Variants in ADAM8 observed in about 807,000 individuals in gnomAD.
The protein encoded by ADAM8 is ADAM metallopeptidase domain 8, also known as disintegrin and metalloproteinase domain-containing protein 8.
Under a neutral mutation model 102.4 loss-of-function variants are expected in ADAM8, and 104 were observed. The ratio of observed to expected loss-of-function variants is 1.02; its 90% CI spans 0.87 to 1.20. The LOEUF (loss-of-function observed/expected upper bound fraction) is 1.20. Ranked by LOEUF, ADAM8 falls within the 50% of genes most tolerant of loss-of-function variation. The pLI is 0.00. For synonymous variants in ADAM8, 517 were observed against 485.2 expected (o/e 1.07, Z -0.86); for missense variants, 1,132 against 1,159.0 (o/e 0.98, Z 0.34).
At position 133,268,004 on chromosome 10, in the gene ADAM8, C is replaced by A; in HGVS notation, c.2178G>T (p.Leu726=). 7.9e-7 allele frequency: 1 copy of A among 1,260,666 alleles called. No homozygotes were observed. The highest frequency in any genetic ancestry group is 3.1e-5 in the East Asian group (1 of 32,318). The allele number at this position is 1,260,666 out of a possible 1,614,324, so 78.1% of individuals were successfully genotyped here. ...GCTGGCCCGGGTGGGTGGTGGGGAC[C>A]AGCTCTTGGGGGCCCCTGGATGGGG... ...APAPSRGPQE[L]VPTTHPGQPA... Residue 726 remains leucine (L), a synonymous_variant, in exon 20 of 23, where the codon CTG becomes CTT. Coordinates refer to ENST00000445355, the MANE Select transcript of ADAM8 (RefSeq NM_001109.5).
chr10:133,276,822 G>T lies in ADAM8; in HGVS notation c.-5C>A. The stretch of plus-strand genomic sequence containing the variant: ...CCAGAGCCCGAGGCCGCGCATGGCC[G>T]GGTCGGGGAGCAGAGGCGGAGGTGA... On this transcript the variant is annotated 5_prime_UTR_variant, in exon 1 of 23. Coordinates refer to ENST00000445355, the MANE Select transcript of ADAM8 (RefSeq NM_001109.5). The T allele has an allele frequency of 6.6e-7, 1 of 1,525,520 alleles. No individual in the cohort carries two copies. Among genetic ancestry groups the T allele is most frequent in the Non-Finnish European group, 8.8e-7 (1 of 1,139,762 alleles). 94.5% of individuals were successfully genotyped at this position (1,525,520 alleles called of 1,614,324 possible).
In ADAM8 at chr10:133,269,885, G is replaced by A. The variant is rs200148705; in HGVS notation, c.1863+12C>T. On this transcript the variant is annotated intron_variant, in intron 17 of 22. Coordinates refer to ENST00000445355, the MANE Select transcript of ADAM8 (RefSeq NM_001109.5). ...TCTGTGCAGGGGCCCTGTCCCGAGA[G>A]GCCACACATACCCCATGGTTGTGGC... 8 of 1,612,334 alleles carry A rather than the reference G, an allele frequency of 5.0e-6. No homozygotes were observed. The highest frequency in any genetic ancestry group is 1.1e-5 in the South Asian group (1 of 91,084).
Position 133,270,444 on chromosome 10 carries a change from G to T in ADAM8, c.1701C>A (p.Ile567=), listed in dbSNP as rs368815806. The T allele has an allele frequency of 4.4e-6, 7 of 1,606,074 alleles. No individual in the cohort carries two copies. The African/African-American group carries it at 9.4e-5, about 21-fold the overall frequency. The part of the protein sequence containing the change: ...GQQPLGRAIC[I]VDVCHALTTE... The stretch of plus-strand genomic sequence containing the variant: ...TGGTGAGCGCGTGGCACACATCCAC[G>T]ATGCAGATGGCACGCCCCAGGGGCT... Residue 567 remains isoleucine, a synonymous_variant, in exon 16 of 23, where the codon ATC becomes ATA. Transcript: ENST00000445355.
At chr10:133,263,847 A>G in intron 21 of ADAM8, 82 bp from the exon 22 acceptor site, 1 of 1,212,568 alleles carries the variant, frequency 8.2e-7, no homozygotes, top group Non-Finnish European at 1.1e-6. Context: ...CTGGACCTGG[A>G]ACGAAGCTCC....
intron 8 of ADAM8, 52 bp from the exon 9 acceptor site, chr10:133,272,637 C>T (rs1445388451): frequency 1.3e-6 from 2 of 1,567,950 alleles, no homozygotes; most frequent in Non-Finnish European, 1.7e-6. Context: ...GAAGGTACAG[C>T]AGGGAGGGTG....
rs578160358 is a variant in ADAM8, at chr10:133,265,856, C to T, written c.2319+1496G>A. On this transcript the variant is annotated intron_variant, in intron 21 of 22. Transcript: ENST00000445355. ...AAACAGCACAGAACAACTATTGCAG[C>T]CAATATTCACCAATGGATGCCAAAA... Among the ~76,000 whole-genome samples, 29 of 152,160 alleles carry T rather than the reference C, an allele frequency of 1.9e-4. 1 individual carries two copies. The East Asian group carries it at 5.6e-3, about 29-fold the overall frequency.
chr10:133,270,598 A>G, intron 15 of ADAM8, 88 bp from the exon 16 acceptor site: 2 of 1,545,372 alleles, frequency 1.3e-6, no homozygotes, highest in Admixed American at 1.8e-5. Context: ...CCCTCCCACA[A>G]CACGGTGCGC....
In ADAM8 at chr10:133,275,851, ACTCC is replaced by A. The variant is rs1846731824; in HGVS notation, c.47-268_47-265del. The stretch of plus-strand genomic sequence containing the variant: ...CTGTGGGTGCCAGCGGGTGCCAGTG[ACTCC>A]ACAGGTCTCCAGGCTGTCTCAGATC... On this transcript the variant is annotated intron_variant, in intron 1 of 22. Coordinates refer to ENST00000445355, the MANE Select transcript of ADAM8 (RefSeq NM_001109.5). The A allele has an allele frequency of 9.6e-6, 4 of 418,182 alleles. No individual in the cohort carries two copies. The South Asian group carries it at 2.0e-4, about 21-fold the overall frequency. 25.9% of individuals were successfully genotyped at this position (418,182 alleles called of 1,614,324 possible). A position where few individuals can be genotyped will look rare whatever the true frequency, so the allele number is the denominator to read the frequency against.
rs756049712 is a variant in ADAM8, at chr10:133,272,920, G to A, written c.636+37C>T. On this transcript the variant is annotated intron_variant, in intron 7 of 22. Transcript: ENST00000445355. ...CCCACACACCCCCCATGCCCCCGCC[G>A]CCGGCTGCTCTCCCACCTTCCCTGC... The A allele has an allele frequency of 9.3e-6, 15 of 1,611,572 alleles. 1 individual carries two copies. Among genetic ancestry groups the A allele is most frequent in the South Asian group, 6.6e-5 (6 of 91,036 alleles).
At chr10:133,275,376 C>A in intron 2 of ADAM8, 108 bp downstream of exon 2, 2 of 820,890 alleles carry the variant, frequency 2.4e-6, no homozygotes, top group East Asian at 2.9e-5. Context: ...TACAGGGCAG[C>A]CCCAGACACC....
At chr10:133,272,907 C>T (rs770222047) in intron 7 of ADAM8, 41 bp from the exon 8 acceptor site, 2 of 1,611,394 alleles carry the variant, frequency 1.2e-6, no homozygotes, top group East Asian at 4.5e-5. Context: ...CACACACCCC[C>T]CATGCCCCCG....
chr10:133,268,796 AG>A lies in ADAM8; in HGVS notation c.2014del (p.Leu672TrpfsTer15). Reference sequence around the variant, plus strand: ...TTTGCGGTAGACGATGATGCCTGCCAGGGTGACCAGCACAACTGCCAGGAGC... The same window carrying A: ...TTTGCGGTAGACGATGATGCCTGCCAGGTGACCAGCACAACTGCCAGGAGC... ...LVLLAVVLVTLAGIIVYRKAR... is the reference protein window; with the variant it reads ...LVLLAVVLVTXAGIIVYRKAR... On this transcript the variant is annotated frameshift_variant, in exon 19 of 23. Transcript: ENST00000445355. LOFTEE classifies it high-confidence loss of function. The A allele has an allele frequency of 6.2e-7, 1 of 1,610,840 alleles. No homozygotes were observed. The highest frequency in any genetic ancestry group is 8.5e-7 in the Non-Finnish European group (1 of 1,179,894).
rs753419976 is a variant in ADAM8, at chr10:133,269,541, G to A, written c.1864-12C>T. ...TTGTGGTTGCACACCTGCGGGGACG[G>A]CTGGGCTCAGGGCCAACCCTGTTGT... On this transcript the variant is annotated splice_polypyrimidine_tract_variant and intron_variant, in intron 17 of 22. Coordinates refer to ENST00000445355, the MANE Select transcript of ADAM8 (RefSeq NM_001109.5). The A allele has an allele frequency of 8.2e-6, 13 of 1,585,784 alleles. No individual in the cohort carries two copies. Among genetic ancestry groups the A allele is most frequent in the Non-Finnish European group, 1.1e-5 (13 of 1,172,172 alleles).
Position 133,275,469 on chromosome 10 carries a change from C to T in ADAM8, c.150+15G>A. The T allele has an allele frequency of 1.3e-6, 2 of 1,520,766 alleles. No homozygotes were observed. Among genetic ancestry groups the T allele is most frequent in the South Asian group, 1.3e-5 (1 of 79,642 alleles). 94.2% of individuals were successfully genotyped at this position (1,520,766 alleles called of 1,614,324 possible). On this transcript the variant is annotated intron_variant, in intron 2 of 22. Transcript: ENST00000445355. ...GGGCCAGCCAGGGACCCTCCCCAGG[C>T]CAGCTTAGACTCACCAAGTGGGAGG...
At chr10:133,270,860 C>T (rs1846497133) in intron 14 of ADAM8, 21 bp downstream of exon 14, 2 of 1,610,422 alleles carry the variant, frequency 1.2e-6, no homozygotes, top group Non-Finnish European at 1.7e-6. Context: ...CCCTGCCAGG[C>T]CAGCTCTGTG....
rs759210711 is a variant in ADAM8 at position 133,270,956 on chromosome 10, G to A, written c.1489C>T (p.Pro497Ser). ...PEDAFQENGT[P>S]CSGGYCYNGA... ...TTGTAGCAGTAGCCCCCGGAGCAGG[G>A]CGTGCCGTTCTCCTGGAAGGCGTCT... Residue 497 changes from proline to serine, a missense_variant, in exon 14 of 23, where the codon CCC (proline) becomes TCC (serine). Transcript: ENST00000445355. The A allele has an allele frequency of 1.2e-6, 2 of 1,612,824 alleles. No homozygotes were observed. The highest frequency in any genetic ancestry group is 1.7e-5 in the Admixed American group (1 of 60,012).
At chr10:133,267,535 GCCCACAGGGCC>G in intron 20 of ADAM8, 118 bp from the exon 21 acceptor site, 4 of 1,000,026 alleles carry the variant, frequency 4.0e-6, no homozygotes, top group Middle Eastern at 3.2e-4. Context: ...CGTCTGCGCG[GCCCACAGGGCC>G]CCACCCCAGA....
chr10:133,268,922 G>A, intron 18 of ADAM8, 60 bp from the exon 19 acceptor site: 10 of 1,565,056 alleles, frequency 6.4e-6, no homozygotes, highest in Non-Finnish European at 7.7e-6. Flanking sequence ...AGGAGCCAGG[G>A]AGGTTCCCAG....
rs140754915 is a variant in ADAM8 at position 133,270,957 on chromosome 10, C to T, written c.1488G>A (p.Thr496=). The T allele has an allele frequency of 7.0e-4, 1,133 of 1,612,808 alleles. 11 individuals carry two copies. The highest frequency in any genetic ancestry group is 6.3e-3 in the South Asian group (577 of 91,090). Reference sequence around the variant, plus strand: ...TGTAGCAGTAGCCCCCGGAGCAGGGCGTGCCGTTCTCCTGGAAGGCGTCTT... The same window carrying T: ...TGTAGCAGTAGCCCCCGGAGCAGGGTGTGCCGTTCTCCTGGAAGGCGTCTT... The part of the protein sequence containing the change: ...CPEDAFQENG[T]PCSGGYCYNG... The change falls in exon 14 of 23, where the codon ACG becomes ACA. Residue 496 remains threonine (T), a synonymous_variant. Transcript: ENST00000445355.
Sources: allele counts gnomAD v4.1 joint callset (sites outside exome capture counted in the v4.1 genomes callset), GRCh38; gene constraint gnomAD v4.1.1; transcripts MANE v1.5; gene names NCBI Gene and HGNC (gene_info 2026-07-23, HGNC 2026-07-21).